Variants in ENTREP2 observed in about 807,000 individuals in gnomAD.
The protein encoded by ENTREP2 is endosomal transmembrane epsin interactor 2.
the ENTREP2 span, among the ~76,000 whole-genome samples, chr15:29,635,998 G>A: frequency 6.6e-6 from 1 of 152,098 alleles, no homozygotes; most frequent in Non-Finnish European, 1.5e-5. Context: ...CCTTCTCATG[G>A]CGAGCCAAAT....
chr15:29,138,313 C>G, the ENTREP2 span, among the ~76,000 whole-genome samples: 24 of 152,168 alleles, frequency 1.6e-4, no homozygotes, highest in African/African-American at 5.8e-4. Context: ...GAAGGACTAA[C>G]CAACAACCAA....
chr15:29,387,679 A>G, the ENTREP2 span, among the ~76,000 whole-genome samples: 2 of 152,210 alleles, frequency 1.3e-5, no homozygotes, highest in Non-Finnish European at 2.9e-5. Context: ...CTAAGCCAAA[A>G]GAACAAAGCT....
At chr15:29,364,940 T>C in the ENTREP2 span, among the ~76,000 whole-genome samples, 1 of 152,120 alleles carries the variant, frequency 6.6e-6, no homozygotes, top group South Asian at 2.1e-4. Flanking sequence ...TCAGAGTCCA[T>C]GGTTTACATT....
At chr15:29,171,361 G>A in the ENTREP2 span, among the ~76,000 whole-genome samples, 1 of 152,128 alleles carries the variant, frequency 6.6e-6, no homozygotes, top group Non-Finnish European at 1.5e-5. Context: ...GAGGAATGCA[G>A]GTTCACTCAT....
the ENTREP2 span, chr15:29,233,698 A>C: frequency 2.5e-6 from 3 of 1,219,910 alleles, no homozygotes; most frequent in Non-Finnish European, 3.7e-6. Context: ...TGTTGCACGC[A>C]CTCTGTTGCT....
chr15:29,453,069 C>T, the ENTREP2 span, among the ~76,000 whole-genome samples: 1 of 152,192 alleles, frequency 6.6e-6, no homozygotes, highest in Non-Finnish European at 1.5e-5. Flanking sequence ...CTCGAGGCAA[C>T]TGACCACAAA....
At chr15:29,137,849 AAAAC>A in the ENTREP2 span, among the ~76,000 whole-genome samples, 8 of 152,014 alleles carry the variant, frequency 5.3e-5, no homozygotes, top group Non-Finnish European at 1.0e-4. Flanking sequence ...TCTGTCTGAA[AAAAC>A]AAACAAACAA....
At chr15:29,432,475 C>G in the ENTREP2 span, among the ~76,000 whole-genome samples, 1 of 152,238 alleles carries the variant, frequency 6.6e-6, no homozygotes, top group Non-Finnish European at 1.5e-5. Context: ...AAGAACTGCT[C>G]TGATGTCTTC....
the ENTREP2 span, among the ~76,000 whole-genome samples, chr15:29,161,585 A>G: frequency 1.3e-5 from 2 of 152,228 alleles, no homozygotes; most frequent in African/African-American, 2.4e-5. Context: ...TCCATCTTGT[A>G]AGAACATCAA....
At chr15:29,399,615 G>C in the ENTREP2 span, among the ~76,000 whole-genome samples, 1 of 152,056 alleles carries the variant, frequency 6.6e-6, no homozygotes, top group Non-Finnish European at 1.5e-5. Flanking sequence ...GGGGTGTTAG[G>C]GGCACCAACC....
At chr15:29,588,991 G>GAAA in the ENTREP2 span, among the ~76,000 whole-genome samples, 2 of 107,636 alleles carry the variant, frequency 1.9e-5, no homozygotes, top group East Asian at 2.6e-4. Context: ...CCTTGTCTCA[G>GAAA]AAAAAAAAAA....
At chr15:29,352,405 A>C in the ENTREP2 span, among the ~76,000 whole-genome samples, 1 of 152,222 alleles carries the variant, frequency 6.6e-6, no homozygotes. Context: ...ACAGAGTCTT[A>C]GTTTTAACTT....
the ENTREP2 span, among the ~76,000 whole-genome samples, chr15:29,249,740 T>C: frequency 6.6e-5 from 10 of 152,230 alleles, no homozygotes; most frequent in Middle Eastern, 3.4e-3. Context: ...GAATGAAATA[T>C]CTGAGACTGG....
chr15:29,335,409 A>G, the ENTREP2 span, among the ~76,000 whole-genome samples: 1 of 152,184 alleles, frequency 6.6e-6, no homozygotes, highest in Non-Finnish European at 1.5e-5. Flanking sequence ...TACAACACGT[A>G]CCCCAAGTTC....
chr15:29,339,866 C>T, the ENTREP2 span, among the ~76,000 whole-genome samples: 1 of 152,258 alleles, frequency 6.6e-6, no homozygotes, highest in South Asian at 2.1e-4. Context: ...GTAGGCGGCT[C>T]AACTGATTCA....
chr15:29,202,671 T>A, the ENTREP2 span, among the ~76,000 whole-genome samples: 1 of 152,158 alleles, frequency 6.6e-6, no homozygotes, highest in Non-Finnish European at 1.5e-5. Flanking sequence ...GTATGTGATA[T>A]TCCCCTCCCT....
chr15:29,216,259 A>G, the ENTREP2 span, among the ~76,000 whole-genome samples: 1 of 152,074 alleles, frequency 6.6e-6, no homozygotes, highest in Admixed American at 6.6e-5. Flanking sequence ...TTCTTGGCTG[A>G]TAATTGTTTT....
At chr15:29,628,406 A>G in the ENTREP2 span, among the ~76,000 whole-genome samples, 1 of 152,104 alleles carries the variant, frequency 6.6e-6, no homozygotes, top group East Asian at 1.9e-4. Context: ...CTCTCTTTAC[A>G]TTTGTGAAGG....
the ENTREP2 span, among the ~76,000 whole-genome samples, chr15:29,128,080 T>TG: frequency 6.6e-6 from 1 of 152,222 alleles, no homozygotes; most frequent in South Asian, 2.1e-4. Flanking sequence ...CAGAGCGCCC[T>TG]GGGGCGATCA....
Sources: allele counts gnomAD v4.1 joint callset (sites outside exome capture counted in the v4.1 genomes callset), GRCh38; gene constraint gnomAD v4.1.1; transcripts MANE v1.5; gene names NCBI Gene and HGNC (gene_info 2026-07-23, HGNC 2026-07-21).